Variants in SRPX observed in about 807,000 individuals in gnomAD.
SRPX encodes sushi repeat containing protein X-linked, also known as sushi repeat-containing protein SRPX.
A neutral mutation model predicts 38.1 loss-of-function variants in SRPX; 24 were observed. The observed-to-expected ratio is 0.63, with a 90% confidence interval of 0.46 to 0.89. SRPX has a LOEUF of 0.89. Among genes scored for constraint, SRPX ranks in the 40% least tolerant of loss-of-function variants. The pLI is 0.00. For missense variants in SRPX, 416 were observed against 377.8 expected (o/e 1.10, Z -0.84); for synonymous variants, 184 against 153.8 (o/e 1.20, Z -1.45).
chrX:38,175,664 C>T (rs138146123), intron 2 of SRPX, among the ~76,000 whole-genome samples: 3,890 of 111,102 alleles, frequency 0.035, 174 homozygotes, highest in African/African-American at 0.12. Context: ...ACTACAGGCA[C>T]GCACCACCGT....
chrX:38,153,614 T>C (rs1938065383), intron 9 of SRPX, among the ~76,000 whole-genome samples: 1 of 111,533 alleles, frequency 9.0e-6, no homozygotes, highest in Non-Finnish European at 1.9e-5. Flanking sequence ...ATTGCAATCA[T>C]GTAACTAGTT....
intron 1 of SRPX, among the ~76,000 whole-genome samples, chrX:38,189,742 C>G (rs1407588321): frequency 2.7e-5 from 3 of 111,881 alleles, no homozygotes; most frequent in Non-Finnish European, 5.6e-5. Flanking sequence ...ATTTTTAAAT[C>G]AGCACTGATT....
chrX:38,199,939 G>T, intron 1 of SRPX, among the ~76,000 whole-genome samples: 1 of 112,198 alleles, frequency 8.9e-6, no homozygotes, highest in Non-Finnish European at 1.9e-5. Flanking sequence ...GGGGGATTTG[G>T]CTTTTGTTGA....
chrX:38,194,857 T>G (rs1356391287), intron 1 of SRPX, among the ~76,000 whole-genome samples: 3 of 99,944 alleles, frequency 3.0e-5, no homozygotes, highest in Non-Finnish European at 3.9e-5. Flanking sequence ...TGTTTGTTTG[T>G]TTTTGGTTTT....
Position 38,161,058 on chromosome X carries a change from A to G in SRPX, c.654-4T>C. ...GGGGAGGCCTTTTAGAATGACACTT[A>G]GAGAAAAAAAATCAGAAACAGGAAA... On this transcript the variant is annotated splice_polypyrimidine_tract_variant and splice_region_variant and intron_variant, in intron 5 of 9. Transcript: ENST00000378533. 8.3e-7 allele frequency: 1 copy of G among 1,207,053 alleles called. No homozygotes were observed. Among genetic ancestry groups the G allele is most frequent in the Non-Finnish European group, 1.1e-6 (1 of 894,235 alleles).
Position 38,220,854 on chromosome X carries a change from C to A in SRPX, c.-62G>T. ...GCGCTTCCCGGGGGCGGCAGGAGACCGAAGAGACCAAGGGACTGCGTGCTA... is the reference window on the plus strand; with the variant it reads ...GCGCTTCCCGGGGGCGGCAGGAGACAGAAGAGACCAAGGGACTGCGTGCTA... On this transcript the variant is annotated 5_prime_UTR_variant, in exon 1 of 10. Coordinates refer to ENST00000378533, the MANE Select transcript of SRPX (RefSeq NM_006307.5). 2 of 1,061,995 alleles carry A rather than the reference C, an allele frequency of 1.9e-6. No homozygotes were observed. Among genetic ancestry groups the A allele is most frequent in the Admixed American group, 4.3e-5 (1 of 23,183 alleles). The allele number at this position is 1,061,995 out of a possible 1,213,427, so 87.5% of individuals were successfully genotyped here. A position where few individuals can be genotyped will look rare whatever the true frequency, so the allele number is the denominator to read the frequency against.
chrX:38,172,621 T>G (rs1198766849), intron 3 of SRPX, among the ~76,000 whole-genome samples: 1 of 111,887 alleles, frequency 8.9e-6, no homozygotes, highest in Admixed American at 9.4e-5. Context: ...TGCATGAGGT[T>G]TAGTAAGAAA....
At chrX:38,178,903 C>T (rs1360735390) in intron 1 of SRPX, among the ~76,000 whole-genome samples, 1 of 108,955 alleles carries the variant, frequency 9.2e-6, no homozygotes, top group African/African-American at 3.4e-5. Context: ...TATCTGTGTG[C>T]TTATTTAGAA....
chrX:38,171,552 TGTCCCTATA>T (rs1293433254), intron 4 of SRPX, among the ~76,000 whole-genome samples: 2 of 112,041 alleles, frequency 1.8e-5, no homozygotes, highest in African/African-American at 6.5e-5. Context: ...TCTACTGGAC[TGTCCCTATA>T]GTGTCAATAA....
intron 1 of SRPX, among the ~76,000 whole-genome samples, chrX:38,185,281 T>C (rs1383518426): frequency 8.9e-6 from 1 of 112,204 alleles, no homozygotes; most frequent in Non-Finnish European, 1.9e-5. Flanking sequence ...CCAGCTTCCG[T>C]ATATAAATTT....
intron 6 of SRPX, 41 bp downstream of exon 6, chrX:38,160,892 T>A: frequency 8.3e-7 from 1 of 1,197,814 alleles, no homozygotes; most frequent in Non-Finnish European, 1.1e-6. Context: ...TTTGCTCTTC[T>A]AAAGAGAGGG....
At chrX:38,205,819 G>GT (rs1325341616) in intron 1 of SRPX, among the ~76,000 whole-genome samples, 5 of 111,933 alleles carry the variant, frequency 4.5e-5, no homozygotes, top group African/African-American at 1.3e-4. Context: ...AGCAACCTGA[G>GT]GTCCAGCATC....
intron 1 of SRPX, among the ~76,000 whole-genome samples, chrX:38,194,898 A>G (rs1460485919): frequency 1.2e-4 from 9 of 74,764 alleles, no homozygotes; most frequent in Non-Finnish European, 2.1e-4. Context: ...TTTGAGATAC[A>G]GTCTTGCTCT....
At position 38,220,749 on chromosome X, in the gene SRPX, GGCA is replaced by G. The variant is rs749344698; in HGVS notation, c.41_43del (p.Leu14del). The G allele has an allele frequency of 1.5e-4, 165 of 1,128,102 alleles. No individual in the cohort carries two copies. Among genetic ancestry groups the G allele is most frequent in the East Asian group, 6.0e-4 (18 of 30,011 alleles). 93.0% of individuals were successfully genotyped at this position (1,128,102 alleles called of 1,213,427 possible). ...CAGCAGCAGCAGCAGCAGCAGAGGC[GGCA>G]GCAGCAGCAGCAGCGCGGGCCGATG... On this transcript the variant is annotated inframe_deletion, in exon 1 of 10. Transcript: ENST00000378533.
chrX:38,160,226 A>T lies in SRPX; in HGVS notation c.776-30T>A, dbSNP rs373747686. 19 of 1,190,570 alleles carry T rather than the reference A, an allele frequency of 1.6e-5. No homozygotes were observed. In the African/African-American group the frequency reaches 2.6e-4, roughly 16 times the overall value. ...AGGGACACAAGTCCAGAGGGGTCTC[A>T]GTGCTGAGCTCCCATCCACAGAGTA... On this transcript the variant is annotated intron_variant, in intron 6 of 9. Coordinates refer to ENST00000378533, the MANE Select transcript of SRPX (RefSeq NM_006307.5).
chrX:38,168,341 G>C (rs1462076879), intron 4 of SRPX, among the ~76,000 whole-genome samples: 1 of 111,209 alleles, frequency 9.0e-6, no homozygotes, highest in Non-Finnish European at 1.9e-5. Context: ...AAATGAGAGA[G>C]AGAGAGAGAA....
In SRPX at chrX:38,211,203, T is replaced by A. The variant is rs192386781; in HGVS notation, c.97+9493A>T. On this transcript the variant is annotated intron_variant, in intron 1 of 9. Coordinates refer to ENST00000378533, the MANE Select transcript of SRPX (RefSeq NM_006307.5). ...TCTTTTGATTTTTTTTCAATCAGTT[T>A]AAAATGTTAAAACCATTCTTAGCTC... 7.1e-3 allele frequency among the ~76,000 whole-genome samples: 802 copies of A among 112,507 alleles called. 3 individuals are homozygous for A. Among genetic ancestry groups the A allele is most frequent in the East Asian group, 0.038 (137 of 3,596 alleles).
intron 1 of SRPX, among the ~76,000 whole-genome samples, chrX:38,203,722 T>A (rs1223880708): frequency 3.6e-5 from 4 of 111,891 alleles, no homozygotes; most frequent in Non-Finnish European, 5.6e-5. Flanking sequence ...GAGGTTGCAG[T>A]GTGCCGAGAT....
chrX:38,162,583 G>A, intron 5 of SRPX, among the ~76,000 whole-genome samples: 1 of 112,493 alleles, frequency 8.9e-6, no homozygotes, highest in Admixed American at 9.4e-5. Context: ...GGAGGCTGAG[G>A]CAGGCAGATC....
Sources: gnomAD v4.1 joint callset for allele counts (sites outside exome capture counted in the v4.1 genomes callset) on GRCh38, gnomAD v4.1.1 for gene constraint, MANE v1.5 for transcripts, NCBI Gene and HGNC (gene_info 2026-07-23, HGNC 2026-07-21) for gene names.